RASSF2: variants seen among roughly 807,000 people sequenced by gnomAD.
RASSF2 encodes Ras association domain family member 2.
In RASSF2, 34 loss-of-function variants were observed where a neutral mutation model predicts 46.3. The observed-to-expected ratio is 0.73, with a 90% CI of 0.56 to 0.98. RASSF2 has a LOEUF of 0.98. Among genes scored for constraint, RASSF2 ranks in the 50% least tolerant of loss-of-function variants. The pLI, the probability that RASSF2 is intolerant of heterozygous loss-of-function variation, is 0.00. For missense variants in RASSF2, 364 were observed against 431.2 expected, an observed-to-expected ratio of 0.84 and a Z score of 1.38; for synonymous variants, 158 against 162.5, an observed-to-expected ratio of 0.97 and a Z score of 0.21.
chr20:4,792,880 C>T (rs895601043), intron 5 of RASSF2: 1 of 626,220 alleles, frequency 1.6e-6, no homozygotes, highest in African/African-American at 1.8e-5. Context: ...TCTTTTGCAG[C>T]AACTGCAGTA....
At chr20:4,791,108 C>T (rs922433931) in intron 6 of RASSF2, among the ~76,000 whole-genome samples, 8 of 152,170 alleles carry the variant, frequency 5.3e-5, no homozygotes, top group Non-Finnish European at 5.9e-5. Flanking sequence ...ACAGCAAATA[C>T]TGAATGATTC....
Position 4,790,372 on chromosome 20 carries a change from C to A in RASSF2, c.537+79G>T. 7.4e-7 allele frequency: 1 copy of A among 1,350,462 alleles called. No individual in the cohort carries two copies. The highest frequency in any genetic ancestry group is 2.2e-5 in the South Asian group (1 of 45,928). The allele number at this position is 1,350,462 out of a possible 1,614,324, so 83.7% of individuals were successfully genotyped here. On this transcript the variant is annotated intron_variant, in intron 7 of 11. Coordinates refer to ENST00000379400, the MANE Select transcript of RASSF2 (RefSeq NM_014737.3). The surrounding 1 kb of genome is among the most constrained non-coding windows in gnomAD (Gnocchi z 4.3). Reference sequence around the variant, plus strand: ...TGGCTTCCCAGGCATCCACACCACCCACCATATGGCTGTAGCCCTGAGGTG... The same window carrying A: ...TGGCTTCCCAGGCATCCACACCACCAACCATATGGCTGTAGCCCTGAGGTG...
intron 3 of RASSF2, among the ~76,000 whole-genome samples, chr20:4,800,427 G>A (rs1468211133): frequency 6.6e-6 from 1 of 152,138 alleles, no homozygotes; most frequent in Non-Finnish European, 1.5e-5. Context: ...AGCTCTGGTG[G>A]CCAGGAAGTC....
intron 9 of RASSF2, 94 bp from the exon 10 acceptor site, chr20:4,787,848 C>G (rs934937218): frequency 6.9e-7 from 1 of 1,452,588 alleles, no homozygotes; most frequent in Non-Finnish European, 9.6e-7. Flanking sequence ...TAGGAGATGC[C>G]GCCATATACG....
intron 2 of RASSF2, among the ~76,000 whole-genome samples, chr20:4,805,796 AAAGGGTGTGCTGCCGG>A (rs1193478423): frequency 3.3e-5 from 5 of 152,160 alleles, no homozygotes; most frequent in Non-Finnish European, 7.4e-5. Context: ...CCCTTTGGGG[AAAGGGTGTGCTGCCGG>A]ATGAAACGTG....
intron 10 of RASSF2, among the ~76,000 whole-genome samples, chr20:4,786,932 A>C (rs1194295768): frequency 6.6e-6 from 1 of 151,974 alleles, no homozygotes; most frequent in African/African-American, 2.4e-5. Context: ...AAAATACAAA[A>C]ATTAGCCAGG....
intron 3 of RASSF2, among the ~76,000 whole-genome samples, chr20:4,799,302 C>T (rs1435630724): frequency 6.6e-6 from 1 of 152,206 alleles, no homozygotes; most frequent in African/African-American, 2.4e-5. Context: ...ATTTCACCCC[C>T]TTTGTGATCA....
chr20:4,794,636 GAGGTTGAGGCTGC>G (rs1926187996), intron 5 of RASSF2, among the ~76,000 whole-genome samples: 1 of 152,134 alleles, frequency 6.6e-6, no homozygotes, highest in Admixed American at 6.5e-5. Flanking sequence ...TTGAGCCTAG[GAGGTTGAGGCTGC>G]AGTAAGCTGT....
At chr20:4,793,978 C>G (rs527799759) in intron 5 of RASSF2, among the ~76,000 whole-genome samples, 1 of 152,306 alleles carries the variant, frequency 6.6e-6, no homozygotes, top group South Asian at 2.1e-4. Flanking sequence ...GCCACAGGCT[C>G]AAACGAAATC....
At chr20:4,809,025 T>C (rs1017556235) in intron 2 of RASSF2, among the ~76,000 whole-genome samples, 1 of 152,220 alleles carries the variant, frequency 6.6e-6, no homozygotes, top group African/African-American at 2.4e-5. Flanking sequence ...TCTCCCAGGT[T>C]CCTGTCATGC....
intron 1 of RASSF2, among the ~76,000 whole-genome samples, chr20:4,823,185 C>T (rs1341382288): frequency 1.3e-5 from 2 of 152,062 alleles, no homozygotes; most frequent in African/African-American, 2.4e-5. Context: ...GGGGTAGGGA[C>T]CATCGTGGAA....
At chr20:4,784,501 T>C (rs1306419826) in intron 11 of RASSF2, among the ~76,000 whole-genome samples, 159 bp from the exon 12 acceptor site, 1 of 150,972 alleles carries the variant, frequency 6.6e-6, no homozygotes, top group Non-Finnish European at 1.5e-5. Flanking sequence ...TTAGCTACTT[T>C]GTTGCTTATG....
intron 2 of RASSF2, among the ~76,000 whole-genome samples, chr20:4,807,439 G>A (rs1390857460): frequency 6.6e-6 from 1 of 152,060 alleles, no homozygotes; most frequent in Non-Finnish European, 1.5e-5. Flanking sequence ...TACATAAAGA[G>A]CTTTAATAAA....
chr20:4,818,511 T>C lies in RASSF2; in HGVS notation c.-33+3818A>G, dbSNP rs369131958. ...GATCCTACTGGCTCCCAAGTGCCAA[T>C]GGCGCACAACTCTTCCCAACTGAGT... is the stretch of plus-strand genomic sequence containing the variant. On this transcript the variant is annotated intron_variant, in intron 2 of 11. Transcript: ENST00000379400. Among the ~76,000 whole-genome samples the C allele has an allele frequency of 5.2e-4, 79 of 152,274 alleles. 2 individuals are homozygous for C. In the South Asian group the frequency reaches 0.016, roughly 30 times the overall value.
chr20:4,782,165 C>A lies in RASSF2; in HGVS notation c.*2108G>T, dbSNP rs972747119. ...TGTTGCAGTATTTCCCCATCTAACA[C>A]TATCGTAGTGCTAGTGCAAATCAAA... On this transcript the variant is annotated 3_prime_UTR_variant, in exon 12 of 12. Transcript: ENST00000379400. 1.3e-5 allele frequency: 2 copies of A among 152,252 alleles called. No individual in the cohort carries two copies. Among genetic ancestry groups the A allele is most frequent in the African/African-American group, 4.8e-5 (2 of 41,448 alleles). The allele number at this position is 152,252 out of a possible 1,614,324, so 9.4% of individuals were successfully genotyped here. A position where few individuals can be genotyped will look rare whatever the true frequency, so the allele number is the denominator to read the frequency against.
chr20:4,783,559 CAT>C lies in RASSF2; in HGVS notation c.*712_*713del, dbSNP rs1162939716. 1 of 152,700 alleles carries C rather than the reference CAT, an allele frequency of 6.5e-6. No individual in the cohort carries two copies. The highest frequency in any genetic ancestry group is 1.5e-5 in the Non-Finnish European group (1 of 68,068). The allele number at this position is 152,700 out of a possible 1,614,324, so 9.5% of individuals were successfully genotyped here. A position where few individuals can be genotyped will look rare whatever the true frequency, so the allele number is the denominator to read the frequency against. On this transcript the variant is annotated 3_prime_UTR_variant, in exon 12 of 12. Coordinates refer to ENST00000379400, the MANE Select transcript of RASSF2 (RefSeq NM_014737.3). ...TCACAGGTTTCCACATAGAACATCA[CAT>C]ATGTCTTTGTCATTTAAAACAATCA...
At chr20:4,798,490 G>A (rs1351650427) in intron 3 of RASSF2, among the ~76,000 whole-genome samples, 4 of 152,114 alleles carry the variant, frequency 2.6e-5, no homozygotes, top group African/African-American at 9.7e-5. Flanking sequence ...CCTCAAGCAC[G>A]CTGTGAGTGA....
rs775448955 is a variant in RASSF2 at position 4,782,986 on chromosome 20, C to G, written c.*1287G>C. ...TCCCAGGGCACAGACTGTTCTTGCC[C>G]TTTTCTCCCATTGGGGTTGGATTTA... On this transcript the variant is annotated 3_prime_UTR_variant, in exon 12 of 12. Coordinates refer to ENST00000379400, the MANE Select transcript of RASSF2 (RefSeq NM_014737.3). The G allele has an allele frequency of 3.3e-5, 5 of 152,288 alleles. No homozygotes were observed. Among genetic ancestry groups the G allele is most frequent in the Non-Finnish European group, 7.3e-5 (5 of 68,096 alleles). The allele number at this position is 152,288 out of a possible 1,614,324, so 9.4% of individuals were successfully genotyped here.
At position 4,784,268 on chromosome 20, in the gene RASSF2, A is replaced by T; in HGVS notation, c.*5T>A. On this transcript the variant is annotated 3_prime_UTR_variant, in exon 12 of 12. Transcript: ENST00000379400. ...GGGGTGCCCAGATCCCCTCGTTCTC[A>T]TGGCTCAGATTGTTGCTGGGGTCTC... The T allele has an allele frequency of 6.2e-7, 1 of 1,612,746 alleles. No individual in the cohort carries two copies.
Sources: allele counts gnomAD v4.1 joint callset (sites outside exome capture counted in the v4.1 genomes callset), GRCh38; gene constraint gnomAD v4.1.1; non-coding constraint Gnocchi (gnomAD v3.1); transcripts MANE v1.5; gene names NCBI Gene and HGNC (gene_info 2026-07-23, HGNC 2026-07-21).